C5orf47: variants seen among roughly 807,000 people sequenced by gnomAD.
The protein encoded by C5orf47 is chromosome 5 open reading frame 47.
C5orf47 carries 20 observed loss-of-function variants against 20.6 expected under a neutral mutation model. The observed-to-expected ratio is 0.97, with a 90% CI of 0.68 to 1.41. C5orf47 has a LOEUF of 1.41. Among genes scored for constraint, C5orf47 ranks in the 40% most tolerant of loss-of-function variants. The pLI is 0.00. For synonymous variants in C5orf47, 106 were observed against 97.3 expected (o/e 1.09, Z -0.53); for missense variants, 262 against 238.4 (o/e 1.10, Z -0.65).
At chr5:173,998,274 A>C in intron 2 of C5orf47, 36 bp downstream of exon 2, 3 of 1,081,546 alleles carry the variant, frequency 2.8e-6, no homozygotes, top group Non-Finnish European at 2.7e-6. Flanking sequence ...CAATATTTGA[A>C]TTTTAGATCA....
At chr5:173,999,575 A>G (rs1561648599) in intron 2 of C5orf47, 125 bp from the exon 3 acceptor site, 2 of 432,576 alleles carry the variant, frequency 4.6e-6, no homozygotes, top group Admixed American at 8.8e-5. Flanking sequence ...TCTAAATGCT[A>G]ATATAGCCTT....
At chr5:173,998,516 A>G (rs958605535) in intron 2 of C5orf47, among the ~76,000 whole-genome samples, 1 of 152,234 alleles carries the variant, frequency 6.6e-6, no homozygotes, top group African/African-American at 2.4e-5. Context: ...AAAGCATGAT[A>G]TATGTTCCAC....
chr5:174,009,202 C>G (rs992242672), downstream of C5orf47, among the ~76,000 whole-genome samples: 3 of 152,038 alleles, frequency 2.0e-5, no homozygotes, highest in African/African-American at 4.8e-5. Flanking sequence ...CAGAGCAAGA[C>G]TCTATCTTAA....
Position 173,989,607 on chromosome 5 carries a change from GCGGGACCGGGCGCGGCGGGGCGGGA to G in C5orf47, c.325+24_325+48del. The stretch of plus-strand genomic sequence containing the variant: ...CGTGCAGGTGGTGCAGCGGGGCAGG[GCGGGACCGGGCGCGGCGGGGCGGGA>G]CGGGGCGGAGCGGGCTCAGCTGCTG... On this transcript the variant is annotated intron_variant, in intron 1 of 4. Coordinates refer to ENST00000340147, the MANE Select transcript of C5orf47 (RefSeq NM_001144954.2). 6 of 1,404,466 alleles carry G rather than the reference GCGGGACCGGGCGCGGCGGGGCGGGA, an allele frequency of 4.3e-6. No individual in the cohort carries two copies. Among genetic ancestry groups the G allele is most frequent in the African/African-American group, 1.5e-5 (1 of 66,230 alleles). 87.0% of individuals were successfully genotyped at this position (1,404,466 alleles called of 1,614,324 possible).
intron 3 of C5orf47, among the ~76,000 whole-genome samples, chr5:174,000,944 C>T (rs192509621): frequency 6.6e-6 from 1 of 152,200 alleles, no homozygotes; most frequent in Admixed American, 6.5e-5. Flanking sequence ...CAGCAAGAGG[C>T]CTTCTCTTAA....
At chr5:173,999,423 C>A (rs977605525) in intron 2 of C5orf47, among the ~76,000 whole-genome samples, 1 of 152,090 alleles carries the variant, frequency 6.6e-6, no homozygotes, top group African/African-American at 2.4e-5. Context: ...TTAGGTAGGA[C>A]TTTATAGTCA....
chr5:173,992,320 G>A (rs1759013646), intron 1 of C5orf47, among the ~76,000 whole-genome samples: 1 of 151,866 alleles, frequency 6.6e-6, no homozygotes, highest in African/African-American at 2.4e-5. Context: ...GGCTGAGACG[G>A]GAGGATTGCT....
At chr5:173,998,523 C>T (rs1004264182) in intron 2 of C5orf47, among the ~76,000 whole-genome samples, 2 of 152,026 alleles carry the variant, frequency 1.3e-5, no homozygotes, top group African/African-American at 2.4e-5. Flanking sequence ...GATATATGTT[C>T]CACAGAATAT....
At chr5:173,990,016 G>T (rs1204073279) in intron 1 of C5orf47, among the ~76,000 whole-genome samples, 1 of 152,164 alleles carries the variant, frequency 6.6e-6, no homozygotes, top group Non-Finnish European at 1.5e-5. Flanking sequence ...CATAGGTTTT[G>T]CATATGTCTT....
chr5:173,998,020 A>T (rs543323553), intron 1 of C5orf47, 133 bp from the exon 2 acceptor site: 7 of 598,132 alleles, frequency 1.2e-5, no homozygotes, highest in Non-Finnish European at 2.1e-5. Context: ...AACCAGTATT[A>T]CCTGGTGATC....
At position 174,005,479 on chromosome 5, in the gene C5orf47, C is replaced by T. The variant is rs1350359741; in HGVS notation, c.*1225C>T. 6.6e-6 allele frequency: 1 copy of T among 152,262 alleles called. No homozygotes were observed. Among genetic ancestry groups the T allele is most frequent in the African/African-American group, 2.4e-5 (1 of 41,418 alleles). The allele number at this position is 152,262 out of a possible 1,614,324, so 9.4% of individuals were successfully genotyped here. On this transcript the variant is annotated 3_prime_UTR_variant, in exon 5 of 5. Coordinates refer to ENST00000340147, the MANE Select transcript of C5orf47 (RefSeq NM_001144954.2). ...TTCTAGTGACTATTTATCAAATCCA[C>T]CTGTTTCTAGATGAAGGACACATTG...
At chr5:174,008,688 C>T (rs1479947769), downstream of C5orf47, among the ~76,000 whole-genome samples, 6 of 151,752 alleles carry the variant, frequency 4.0e-5, no homozygotes, top group Non-Finnish European at 5.9e-5. Context: ...AAAAATTAGC[C>T]GGGCTCGGTG....
At chr5:174,007,851 C>T (rs923758505), downstream of C5orf47, among the ~76,000 whole-genome samples, 28 of 152,190 alleles carry the variant, frequency 1.8e-4, no homozygotes, top group African/African-American at 6.0e-4. Flanking sequence ...TGAGCTACCA[C>T]GCCCAGTCCT....
At chr5:174,001,649 A>G (rs1759198656) in intron 4 of C5orf47, among the ~76,000 whole-genome samples, 1 of 151,978 alleles carries the variant, frequency 6.6e-6, no homozygotes, top group South Asian at 2.1e-4. Context: ...TTTATGTCTT[A>G]GTATCCTGTA....
chr5:174,006,075 T>C lies in C5orf47; in HGVS notation c.*1821T>C, dbSNP rs534358597. 2 of 152,478 alleles carry C rather than the reference T, an allele frequency of 1.3e-5. No individual in the cohort carries two copies. The highest frequency in any genetic ancestry group is 1.3e-4 in the Admixed American group (2 of 15,304). 9.4% of individuals were successfully genotyped at this position (152,478 alleles called of 1,614,324 possible). A position where few individuals can be genotyped will look rare whatever the true frequency, so the allele number is the denominator to read the frequency against. On this transcript the variant is annotated 3_prime_UTR_variant, in exon 5 of 5. Coordinates refer to ENST00000340147, the MANE Select transcript of C5orf47 (RefSeq NM_001144954.2). ...CATAAGCTGCAATACTTTAACTTAT[T>C]TCTGTTCCATAATTTCAGTAGGGGC...
downstream of C5orf47, among the ~76,000 whole-genome samples, chr5:174,006,954 G>A (rs953870104): frequency 1.3e-5 from 2 of 152,140 alleles, no homozygotes; most frequent in Admixed American, 6.6e-5. Flanking sequence ...GCATGGTAAG[G>A]ATTTTAAGGC....
intron 1 of C5orf47, among the ~76,000 whole-genome samples, chr5:173,995,130 G>A (rs1305698516): frequency 2.6e-5 from 4 of 152,174 alleles, no homozygotes; most frequent in African/African-American, 9.7e-5. Flanking sequence ...TTAATATTAA[G>A]TAGACATTCA....
chr5:174,008,595 G>A (rs1472928640), downstream of C5orf47, among the ~76,000 whole-genome samples: 1 of 152,188 alleles, frequency 6.6e-6, no homozygotes, highest in East Asian at 1.9e-4. Flanking sequence ...CACTTTGGGA[G>A]GCTGAGGCCG....
intron 2 of C5orf47, among the ~76,000 whole-genome samples, chr5:173,999,208 G>C (rs528677379): frequency 6.6e-6 from 1 of 152,104 alleles, no homozygotes; most frequent in Non-Finnish European, 1.5e-5. Context: ...CTATTTGTTT[G>C]ATTCTATAAT....
Sources: allele counts gnomAD v4.1 joint callset (sites outside exome capture counted in the v4.1 genomes callset), GRCh38; gene constraint gnomAD v4.1.1; transcripts MANE v1.5; gene names NCBI Gene and HGNC (gene_info 2026-07-23, HGNC 2026-07-21).